CAMTA1: variants seen among roughly 807,000 people sequenced by gnomAD.
The protein encoded by CAMTA1 is calmodulin-binding transcription activator 1.
Under a neutral mutation model 170.9 loss-of-function variants are expected in CAMTA1, and 27 were observed. The ratio of observed to expected loss-of-function variants is 0.16; its 90% CI spans 0.12 to 0.22. The LOEUF (loss-of-function observed/expected upper bound fraction) is 0.22. CAMTA1 is among the 10% of genes least tolerant of loss of function. The pLI, the probability that CAMTA1 is intolerant of heterozygous loss-of-function variation, is 1.00. For missense variants in CAMTA1, 1,619 were observed against 2,217.2 expected (o/e 0.73, Z 5.42); for synonymous variants, 833 against 891.5 (o/e 0.93, Z 1.17).
intron 1 of CAMTA1, among the ~76,000 whole-genome samples, chr1:6,790,222 C>T (rs188610076): frequency 5.1e-4 from 78 of 151,802 alleles, no homozygotes; most frequent in South Asian, 8.3e-4. Flanking sequence ...TGTTAACTTA[C>T]AAAGATATAG....
chr1:7,218,214 GT>G (rs1164985780), intron 4 of CAMTA1, among the ~76,000 whole-genome samples: 2 of 152,186 alleles, frequency 1.3e-5, no homozygotes, highest in Non-Finnish European at 2.9e-5. Flanking sequence ...ATTTACAAGC[GT>G]TGAGGATATT....
intron 1 of CAMTA1, among the ~76,000 whole-genome samples, chr1:6,803,347 T>C (rs1644114199): frequency 6.6e-6 from 1 of 152,194 alleles, no homozygotes. Flanking sequence ...AGCCTCTCTT[T>C]AAGTGTATGT....
chr1:7,636,657 C>A (rs545626760), intron 6 of CAMTA1, among the ~76,000 whole-genome samples: 1 of 151,344 alleles, frequency 6.6e-6, no homozygotes, highest in Non-Finnish European at 1.5e-5. Flanking sequence ...TGCAGTGAGC[C>A]GAGATCATGC....
intron 1 of CAMTA1, among the ~76,000 whole-genome samples, chr1:6,795,822 T>A (rs1375812043): frequency 2.0e-5 from 3 of 152,236 alleles, no homozygotes; most frequent in Non-Finnish European, 4.4e-5. Flanking sequence ...CTGTTTTGTA[T>A]TCCTGAGCTG....
At chr1:7,335,141 G>GTGTGCGTGTGTGTGTGTGTGCGTGTGT (rs770168823) in intron 5 of CAMTA1, among the ~76,000 whole-genome samples, 3 of 54,436 alleles carry the variant, frequency 5.5e-5, no homozygotes, top group African/African-American at 1.7e-4. Flanking sequence ...TGTGTGTGTG[G>GTGTGCGTGTGTGTGTGTGTGCGTGTGT]GGGGGGGGGG....
chr1:7,058,022 CAG>C (rs1707624611), intron 3 of CAMTA1, among the ~76,000 whole-genome samples: 1 of 152,286 alleles, frequency 6.6e-6, no homozygotes, highest in African/African-American at 2.4e-5. Context: ...GGAGGGGACA[CAG>C]AGCACAATCC....
At chr1:7,166,332 C>G (rs569378808) in intron 4 of CAMTA1, among the ~76,000 whole-genome samples, 1 of 152,208 alleles carries the variant, frequency 6.6e-6, no homozygotes, top group Non-Finnish European at 1.5e-5. Flanking sequence ...TCCCAAAGTG[C>G]TGGGATTACA....
At chr1:7,602,837 G>A (rs545947505) in intron 6 of CAMTA1, among the ~76,000 whole-genome samples, 197 of 152,346 alleles carry the variant, frequency 1.3e-3, no homozygotes, top group African/African-American at 4.6e-3. Flanking sequence ...ATATGTCCCA[G>A]AGATTCTGGT....
rs1478093302 is a variant in CAMTA1 at position 7,547,357 on chromosome 1, CA to C, written c.510+79457del. Among the ~76,000 whole-genome samples the C allele has an allele frequency of 3.3e-5, 3 of 91,542 alleles. No individual in the cohort carries two copies. The East Asian group carries it at 1.1e-3, about 33-fold the overall frequency. 60.1% of individuals were successfully genotyped at this position (91,542 alleles called of 152,430 possible). A position where few individuals can be genotyped will look rare whatever the true frequency, so the allele number is the denominator to read the frequency against. On this transcript the variant is annotated intron_variant, in intron 6 of 22. Coordinates refer to ENST00000303635, the MANE Select transcript of CAMTA1 (RefSeq NM_015215.4). This position sits in a 1 kb window ranked among gnomAD's most constrained non-coding sequence, Gnocchi z 5.7. ...AATATATGTATCATATGCACACACA[CA>C]CACACACACACACACACACACACAC...
At chr1:7,229,287 C>A (rs74051202) in intron 4 of CAMTA1, among the ~76,000 whole-genome samples, 3,935 of 150,842 alleles carry the variant, frequency 0.026, 162 homozygotes, top group African/African-American at 0.092. Context: ...GTCAAATGCA[C>A]CCCTGTTCCC....
chr1:7,256,915 A>C (rs1171327127), intron 5 of CAMTA1, among the ~76,000 whole-genome samples: 1 of 151,792 alleles, frequency 6.6e-6, no homozygotes, highest in Admixed American at 6.6e-5. Context: ...TTCCTGGTGC[A>C]TAGATGGCCA....
chr1:7,745,694 A>G, intron 17 of CAMTA1, 151 bp from the exon 18 acceptor site: 3 of 825,200 alleles, frequency 3.6e-6, no homozygotes, highest in Non-Finnish European at 5.9e-6. Context: ...GACACTGGGT[A>G]TGTTTAGCAA....
At chr1:7,372,734 T>C (rs2086570612) in intron 5 of CAMTA1, among the ~76,000 whole-genome samples, 1 of 152,196 alleles carries the variant, frequency 6.6e-6, no homozygotes, top group Non-Finnish European at 1.5e-5. Context: ...CATGTGCTCT[T>C]ATTACCCTGT....
rs1673450481 is a variant in CAMTA1 at position 7,293,434 on chromosome 1, T to G, written c.438+43808T>G. ...TCGTTTGTCAGTGAAGACAGAAGAG[T>G]CACAATGAGCCGATTTATAGAGTAC... On this transcript the variant is annotated intron_variant, in intron 5 of 22. Transcript: ENST00000303635. The surrounding 1 kb of genome is among the most constrained non-coding windows in gnomAD (Gnocchi z 4.1). Among the ~76,000 whole-genome samples, 1 of 151,916 alleles carries G rather than the reference T, an allele frequency of 6.6e-6. No individual in the cohort carries two copies. The highest frequency in any genetic ancestry group is 2.4e-5 in the African/African-American group (1 of 41,322).
At chr1:7,240,496 C>G (rs1049950447) in intron 4 of CAMTA1, among the ~76,000 whole-genome samples, 1 of 150,068 alleles carries the variant, frequency 6.7e-6, no homozygotes, top group Non-Finnish European at 1.5e-5. Context: ...TAGTGGGAGC[C>G]TCTTCAAGTT....
At chr1:6,919,446 G>A (rs1189489159) in intron 3 of CAMTA1, among the ~76,000 whole-genome samples, 3 of 152,204 alleles carry the variant, frequency 2.0e-5, no homozygotes, top group African/African-American at 7.2e-5. Flanking sequence ...GAGCTGACAA[G>A]CCAGGGCAAG....
intron 3 of CAMTA1, among the ~76,000 whole-genome samples, chr1:6,898,063 G>A (rs1676044160): frequency 6.6e-6 from 1 of 152,174 alleles, no homozygotes; most frequent in Non-Finnish European, 1.5e-5. Flanking sequence ...TGAGATTCCA[G>A]TTCATTTGCT....
chr1:7,753,902 G>A (rs530834155), intron 21 of CAMTA1, among the ~76,000 whole-genome samples: 6 of 152,218 alleles, frequency 3.9e-5, no homozygotes, highest in Non-Finnish European at 8.8e-5. Context: ...GTTAGGAAAT[G>A]CATCCCCAAA....
At position 7,738,432 on chromosome 1, in the gene CAMTA1, C is replaced by A. The variant is rs374903153; in HGVS notation, c.4132C>A (p.Arg1378Ser). 8.9e-5 allele frequency: 144 copies of A among 1,613,928 alleles called. 1 individual carries two copies. Among genetic ancestry groups the A allele is most frequent in the Non-Finnish European group, 1.2e-4 (139 of 1,180,006 alleles). The change falls in exon 16 of 23, where the codon CGT (arginine) becomes AGT (serine). Residue 1378 changes from arginine (R) to serine (S), a missense_variant. Arg to Ser is a moderately radical substitution (Grantham distance 110, BLOSUM62 -1). Coordinates refer to ENST00000303635, the MANE Select transcript of CAMTA1 (RefSeq NM_015215.4). The surrounding 1 kb of genome is among the most constrained non-coding windows in gnomAD (Gnocchi z 4.9). ...EVVNTELGSY[R>S]DSAENEECGQ... Reference sequence around the variant, plus strand: ...GGTGAATACAGAGCTGGGGTCCTACCGTGATAGTGCAGAAAATGAAGAATG... The same window carrying A: ...GGTGAATACAGAGCTGGGGTCCTACAGTGATAGTGCAGAAAATGAAGAATG...
Sources: allele counts gnomAD v4.1 joint callset (sites outside exome capture counted in the v4.1 genomes callset), GRCh38; gene constraint gnomAD v4.1.1; non-coding constraint Gnocchi (gnomAD v3.1); transcripts MANE v1.5; gene names NCBI Gene and HGNC (gene_info 2026-07-23, HGNC 2026-07-21).